The following UPF1 variants were observed in gnomAD, a reference collection of about 807,000 sequenced individuals.
UPF1 encodes the protein UPF1 RNA helicase and ATPase, also known as regulator of nonsense transcripts 1.
Under a neutral mutation model 129.2 loss-of-function variants are expected in UPF1, and 9 were observed. The ratio of observed to expected loss-of-function variants is 0.07; its 90% CI spans 0.04 to 0.12. UPF1 has a LOEUF of 0.12. Among genes scored for constraint, UPF1 ranks in the 10% least tolerant of loss-of-function variants. The pLI is 1.00. For missense variants in UPF1, 788 were observed against 1,525.3 expected, an observed-to-expected ratio of 0.52 and a Z score of 8.05; for synonymous variants, 649 against 644.9, an observed-to-expected ratio of 1.01 and a Z score of -0.10.
At position 18,832,090 on chromosome 19, in the gene UPF1, C is replaced by T; in HGVS notation, c.-120C>T. On this transcript the variant is annotated 5_prime_UTR_variant, in exon 1 of 24. Transcript: ENST00000262803. This position sits in a 1 kb window ranked among gnomAD's most constrained non-coding sequence, Gnocchi z 5.6. ...CTGGCGCCGGGGCGCGCGGTTTGGT[C>T]CTTTCCGGGCGCGCGGGGGCGACAG... The T allele has an allele frequency of 4.9e-6, 5 of 1,027,134 alleles. No individual in the cohort carries two copies. Among genetic ancestry groups the T allele is most frequent in the African/African-American group, 1.7e-5 (1 of 57,834 alleles). The allele number at this position is 1,027,134 out of a possible 1,614,324, so 63.6% of individuals were successfully genotyped here.
At chr19:18,840,197 C>T (rs1371249094) in intron 1 of UPF1, among the ~76,000 whole-genome samples, 1 of 152,060 alleles carries the variant, frequency 6.6e-6, no homozygotes, top group Non-Finnish European at 1.5e-5. Flanking sequence ...GCAGTGGAGA[C>T]GGAGGACACC....
rs2055653884 is a variant in UPF1 at position 18,851,089 on chromosome 19, A to G, written c.810+221A>G. Reference sequence around the variant, plus strand: ...CCGAGAAGATCCTGGCCTTGGGGAAAGGAAAGCTCTGGCTGCTGGAATTTT... The same window carrying G: ...CCGAGAAGATCCTGGCCTTGGGGAAGGGAAAGCTCTGGCTGCTGGAATTTT... On this transcript the variant is annotated intron_variant, in intron 5 of 23. Transcript: ENST00000262803. This position sits in a 1 kb window ranked among gnomAD's most constrained non-coding sequence, Gnocchi z 4.2. 6.3e-6 allele frequency: 3 copies of G among 476,912 alleles called. No individual in the cohort carries two copies. The highest frequency in any genetic ancestry group is 1.1e-5 in the Non-Finnish European group (3 of 281,188). The allele number at this position is 476,912 out of a possible 1,614,324, so 29.5% of individuals were successfully genotyped here. A position where few individuals can be genotyped will look rare whatever the true frequency, so the allele number is the denominator to read the frequency against.
rs377704891 is a variant in UPF1, at chr19:18,863,425, G to T, written c.2601-13G>T. On this transcript the variant is annotated splice_polypyrimidine_tract_variant and intron_variant, in intron 18 of 23. Coordinates refer to ENST00000262803, the MANE Select transcript of UPF1 (RefSeq NM_002911.4). ...TCTCCACCTGCGTCCTCAGCACTGC[G>T]CCCTTGTTGCAGGTATGGCGTCATC... 1 of 1,610,230 alleles carries T rather than the reference G, an allele frequency of 6.2e-7. No individual in the cohort carries two copies. Among genetic ancestry groups the T allele is most frequent in the Non-Finnish European group, 8.5e-7 (1 of 1,177,004 alleles).
intron 17 of UPF1, among the ~76,000 whole-genome samples, chr19:18,861,548 A>T (rs1218996869): frequency 6.6e-6 from 1 of 152,222 alleles, no homozygotes; most frequent in East Asian, 1.9e-4. Context: ...CTAAAAGAGA[A>T]CAGGCTAGGT....
At chr19:18,839,495 G>T (rs540240478) in intron 1 of UPF1, among the ~76,000 whole-genome samples, 1 of 152,030 alleles carries the variant, frequency 6.6e-6, no homozygotes, top group Non-Finnish European at 1.5e-5. Context: ...GCTCCTTTCC[G>T]CTCCCTCCCC....
chr19:18,857,150 G>A, intron 14 of UPF1, 130 bp downstream of exon 14: 3 of 1,503,750 alleles, frequency 2.0e-6, no homozygotes, highest in South Asian at 2.6e-5. Flanking sequence ...TCCCTGAGGG[G>A]TTTATAGAGG....
In UPF1 at chr19:18,853,209, G is replaced by A; in HGVS notation, c.1058-43G>A. ...TGAACTCTCCCTGGTGGAAGCGACG[G>A]CGTGGGTTAAAATGGCCACCTCTCT... On this transcript the variant is annotated intron_variant, in intron 7 of 23. Coordinates refer to ENST00000262803, the MANE Select transcript of UPF1 (RefSeq NM_002911.4). This position sits in a 1 kb window ranked among gnomAD's most constrained non-coding sequence, Gnocchi z 4.4. 6.2e-7 allele frequency: 1 copy of A among 1,600,462 alleles called. No homozygotes were observed. The highest frequency in any genetic ancestry group is 8.5e-7 in the Non-Finnish European group (1 of 1,171,158).
At chr19:18,860,789 C>G in intron 16 of UPF1, 37 bp from the exon 17 acceptor site, 1 of 1,608,856 alleles carries the variant, frequency 6.2e-7, no homozygotes, top group South Asian at 1.1e-5. Context: ...CGGGATCCCA[C>G]AGGTGGAGCC....
rs2055594494 is a variant in UPF1 at position 18,846,054 on chromosome 19, G to A, written c.306G>A (p.Glu102=). Residue 102 remains glutamate, a synonymous_variant, in exon 2 of 24, where the codon GAG becomes GAA. Coordinates refer to ENST00000262803, the MANE Select transcript of UPF1 (RefSeq NM_002911.4). ...CCAAGACCAGCCAGTTGTTGGCTGAGTTGAACTTCGAGGAAGATGAAGAAG... is the reference window on the plus strand; with the variant it reads ...CCAAGACCAGCCAGTTGTTGGCTGAATTGAACTTCGAGGAAGATGAAGAAG... ...SVAKTSQLLA[E]LNFEEDEEDT... The A allele has an allele frequency of 6.2e-7, 1 of 1,614,214 alleles. No homozygotes were observed. Among genetic ancestry groups the A allele is most frequent in the East Asian group, 2.2e-5 (1 of 44,884 alleles).
Position 18,852,241 on chromosome 19 carries a change from T to C in UPF1, c.917T>C (p.Phe306Ser). ...GACGCCTACCAGTACCAGAACATAT[T>C]CGGGCCCCTGGTCAAGCTGGAGGCC... is the stretch of plus-strand genomic sequence containing the variant. ...YEDAYQYQNI[F>S]GPLVKLEADY... Residue 306 changes from phenylalanine to serine, a missense_variant, in exon 6 of 24, where the codon TTC (phenylalanine) becomes TCC (serine). By Grantham distance (155) the Phe-to-Ser change is radical. Around this residue, in one of 6 missense-constraint regions of UPF1, gnomAD observed 227 missense variants for 517.9 expected, o/e 0.44. Transcript: ENST00000262803. 6.2e-7 allele frequency: 1 copy of C among 1,613,578 alleles called. No individual in the cohort carries two copies. The highest frequency in any genetic ancestry group is 8.5e-7 in the Non-Finnish European group (1 of 1,179,762).
chr19:18,832,263 G>T lies in UPF1; in HGVS notation c.54G>T (p.Thr18=). 6.4e-7 allele frequency: 1 copy of T among 1,553,356 alleles called. No homozygotes were observed. Among genetic ancestry groups the T allele is most frequent in the Non-Finnish European group, 8.7e-7 (1 of 1,149,806 alleles). ...CGCAGACTCTCACTTTCCTGGACAC[G>T]GAGGAGGCCGAGCTGCTTGGCGCCG... ...PSSQTLTFLD[T]EEAELLGADT... The change falls in exon 1 of 24, where the codon ACG becomes ACT. Residue 18 remains threonine (T), a synonymous_variant. Coordinates refer to ENST00000262803, the MANE Select transcript of UPF1 (RefSeq NM_002911.4). This position sits in a 1 kb window ranked among gnomAD's most constrained non-coding sequence, Gnocchi z 5.6.
At chr19:18,837,335 C>T (rs1332017436) in intron 1 of UPF1, among the ~76,000 whole-genome samples, 1 of 152,150 alleles carries the variant, frequency 6.6e-6, no homozygotes, top group African/African-American at 2.4e-5. Flanking sequence ...GAGATCCTCT[C>T]ACCTCAGGCC....
chr19:18,850,629 C>T lies in UPF1; in HGVS notation c.630-59C>T. ...AAAGGTCAGCATGGGAGGGGGCCCTCCCTGCTCCGGGGCTTCAGGGACGGG... is the reference window on the plus strand; with the variant it reads ...AAAGGTCAGCATGGGAGGGGGCCCTTCCTGCTCCGGGGCTTCAGGGACGGG... On this transcript the variant is annotated intron_variant, in intron 4 of 23. Coordinates refer to ENST00000262803, the MANE Select transcript of UPF1 (RefSeq NM_002911.4). The surrounding 1 kb of genome is among the most constrained non-coding windows in gnomAD (Gnocchi z 7.1). 1 of 1,488,048 alleles carries T rather than the reference C, an allele frequency of 6.7e-7. No homozygotes were observed. The highest frequency in any genetic ancestry group is 1.4e-5 in the South Asian group (1 of 73,340). 92.2% of individuals were successfully genotyped at this position (1,488,048 alleles called of 1,614,324 possible).
At chr19:18,857,131 A>G (rs1480386335) in intron 14 of UPF1, 111 bp downstream of exon 14, 2 of 1,525,212 alleles carry the variant, frequency 1.3e-6, no homozygotes, top group African/African-American at 1.4e-5. Flanking sequence ...GTGTGCGCAC[A>G]CTGGGGGCTC....
chr19:18,863,192 C>T (rs78508167), intron 18 of UPF1: 7,139 of 460,036 alleles, frequency 0.016, 155 homozygotes, highest in East Asian at 0.064. Flanking sequence ...CCAAACGTAT[C>T]CACCCAGCCA....
chr19:18,856,513 C>T (rs2055719709), intron 13 of UPF1, among the ~76,000 whole-genome samples: 1 of 152,178 alleles, frequency 6.6e-6, no homozygotes, highest in Non-Finnish European at 1.5e-5. Context: ...TCCCTGCCAG[C>T]CTCCACTGGG....
Position 18,850,661 on chromosome 19 carries a change from T to C in UPF1, c.630-27T>C, listed in dbSNP as rs748913860. 5 of 1,532,960 alleles carry C rather than the reference T, an allele frequency of 3.3e-6. No homozygotes were observed. The highest frequency in any genetic ancestry group is 4.4e-6 in the Non-Finnish European group (5 of 1,138,770). 95.0% of individuals were successfully genotyped at this position (1,532,960 alleles called of 1,614,324 possible). A position where few individuals can be genotyped will look rare whatever the true frequency, so the allele number is the denominator to read the frequency against. ...CCGGGGCTTCAGGGACGGGAGCTGG[T>C]CCTCACGGCCCCCTCCCGCTCTGCA... On this transcript the variant is annotated intron_variant, in intron 4 of 23. Transcript: ENST00000262803. The surrounding 1 kb of genome is among the most constrained non-coding windows in gnomAD (Gnocchi z 7.1).
At chr19:18,855,891 G>C (rs1337650426) in intron 11 of UPF1, 34 bp from the exon 12 acceptor site, 10 of 1,608,612 alleles carry the variant, frequency 6.2e-6, no homozygotes, top group Non-Finnish European at 7.6e-6. Flanking sequence ...AGCTTCCTCT[G>C]GGTAAGCACT....
chr19:18,845,745 C>G (rs2055589782), intron 1 of UPF1, among the ~76,000 whole-genome samples: 3 of 151,978 alleles, frequency 2.0e-5, no homozygotes, highest in South Asian at 2.1e-4. Flanking sequence ...GGCTCTGTGG[C>G]TAGGCGGGGG....
Sources: gnomAD v4.1 joint callset for allele counts (sites outside exome capture counted in the v4.1 genomes callset) on GRCh38, gnomAD v4.1.1 for gene constraint, gnomAD v4.1.1 regional missense constraint, Gnocchi (gnomAD v3.1) non-coding constraint, MANE v1.5 for transcripts, NCBI Gene and HGNC (gene_info 2026-07-23, HGNC 2026-07-21) for gene names.